Variants in GRID2 observed in about 807,000 individuals in gnomAD.
GRID2 encodes the protein glutamate receptor ionotropic, delta-2.
In GRID2, 33 loss-of-function variants were observed where a neutral mutation model predicts 114.8. That is an observed-to-expected ratio of 0.29 (90% CI 0.22 to 0.38). The LOEUF (loss-of-function observed/expected upper bound fraction) is 0.38. Ranked by LOEUF, GRID2 falls within the 10% of genes least tolerant of loss-of-function variation. The pLI is 1.00. For missense variants in GRID2, 1,184 were observed against 1,257.7 expected, an observed-to-expected ratio of 0.94 and a Z score of 0.89; for synonymous variants, 505 against 449.9, an observed-to-expected ratio of 1.12 and a Z score of -1.55.
intron 2 of GRID2, among the ~76,000 whole-genome samples, chr4:92,680,496 C>T (rs1733599985): frequency 6.6e-6 from 1 of 151,950 alleles, no homozygotes; most frequent in Admixed American, 6.6e-5. Flanking sequence ...AGAGGTCTCC[C>T]CCAAAAACAA....
chr4:93,735,692 G>C (rs1730866850), intron 14 of GRID2, among the ~76,000 whole-genome samples: 1 of 151,976 alleles, frequency 6.6e-6, no homozygotes. Context: ...GTTGACATTG[G>C]CTAGTCAATA....
intron 2 of GRID2, among the ~76,000 whole-genome samples, chr4:93,037,721 G>C (rs929267825): frequency 6.6e-6 from 1 of 151,980 alleles, no homozygotes; most frequent in Non-Finnish European, 1.5e-5. Context: ...GCTTGTTTTT[G>C]TCAGGTTTGT....
intron 3 of GRID2, among the ~76,000 whole-genome samples, chr4:93,109,974 A>C (rs1160030767): frequency 6.6e-6 from 1 of 152,122 alleles, no homozygotes; most frequent in Admixed American, 6.5e-5. Flanking sequence ...TTTTAATTTG[A>C]TAAATTTCTA....
chr4:93,363,971 T>C (rs892772607), intron 8 of GRID2, among the ~76,000 whole-genome samples: 1 of 152,020 alleles, frequency 6.6e-6, no homozygotes, highest in Non-Finnish European at 1.5e-5. Flanking sequence ...TTTTTATTCA[T>C]CTCATAGTCA....
At chr4:93,677,163 G>A (rs186391342) in intron 14 of GRID2, among the ~76,000 whole-genome samples, 3 of 152,312 alleles carry the variant, frequency 2.0e-5, no homozygotes, top group Non-Finnish European at 4.4e-5. Context: ...TGCCCACGGA[G>A]GCTCGCTGAT....
intron 14 of GRID2, among the ~76,000 whole-genome samples, chr4:93,635,669 T>C (rs1721349228): frequency 6.6e-6 from 1 of 152,068 alleles, no homozygotes; most frequent in African/African-American, 2.4e-5. Flanking sequence ...TCTTTTTCTG[T>C]TTCCTGAATC....
intron 1 of GRID2, among the ~76,000 whole-genome samples, chr4:92,444,155 G>A (rs764591047): frequency 3.0e-4 from 46 of 152,316 alleles, no homozygotes; most frequent in Non-Finnish European, 6.0e-4. Flanking sequence ...GAGGACAGGG[G>A]ATTGATCTCC....
At chr4:92,395,186 G>A (rs926279099) in intron 1 of GRID2, among the ~76,000 whole-genome samples, 10 of 151,608 alleles carry the variant, frequency 6.6e-5, no homozygotes, top group Non-Finnish European at 5.9e-5. Flanking sequence ...TTTTGTTGAT[G>A]TACTAATAAT....
intron 2 of GRID2, among the ~76,000 whole-genome samples, chr4:92,811,930 A>G (rs899363122): frequency 6.6e-6 from 1 of 152,118 alleles, no homozygotes; most frequent in Non-Finnish European, 1.5e-5. Context: ...TGTCACATTC[A>G]GTCATCTGAA....
intron 14 of GRID2, among the ~76,000 whole-genome samples, chr4:93,677,836 C>A (rs963633446): frequency 2.0e-5 from 3 of 152,122 alleles, no homozygotes; most frequent in Non-Finnish European, 4.4e-5. Context: ...GGGGAAAAAA[C>A]AAAGCAGAAA....
chr4:93,217,055 AG>A, intron 6 of GRID2, 144 bp downstream of exon 6: 1 of 536,946 alleles, frequency 1.9e-6, no homozygotes, highest in East Asian at 2.8e-5. Flanking sequence ...TCTAATGGGG[AG>A]AAAGTGCTAA....
intron 2 of GRID2, among the ~76,000 whole-genome samples, chr4:93,061,474 T>TAG (rs1279889847): frequency 6.6e-6 from 1 of 151,986 alleles, no homozygotes; most frequent in African/African-American, 2.4e-5. Context: ...AATCAATGGA[T>TAG]AGAAAAATAA....
chr4:93,019,611 G>A (rs115813156), intron 2 of GRID2, among the ~76,000 whole-genome samples: 1 of 152,120 alleles, frequency 6.6e-6, no homozygotes, highest in African/African-American at 2.4e-5. Flanking sequence ...AGTCAGACTA[G>A]TAGGACTCTT....
chr4:92,502,195 C>T (rs946345186), intron 1 of GRID2, among the ~76,000 whole-genome samples: 2 of 151,988 alleles, frequency 1.3e-5, no homozygotes, highest in Non-Finnish European at 2.9e-5. Context: ...ATTTCTATTG[C>T]AGTTTTCAAA....
intron 1 of GRID2, among the ~76,000 whole-genome samples, chr4:92,522,786 C>A (rs1724852993): frequency 6.6e-6 from 1 of 151,876 alleles, no homozygotes; most frequent in Non-Finnish European, 1.5e-5. Context: ...AAGGCAATGA[C>A]AGGACAGGTT....
intron 4 of GRID2, among the ~76,000 whole-genome samples, chr4:93,177,384 C>A (rs1052664795): frequency 1.3e-5 from 2 of 152,020 alleles, no homozygotes; most frequent in Admixed American, 1.3e-4. Context: ...ATCCTTTGAT[C>A]CTCAAAAACA....
intron 2 of GRID2, among the ~76,000 whole-genome samples, chr4:92,805,650 T>C (rs764524641): frequency 2.6e-5 from 4 of 151,910 alleles, no homozygotes; most frequent in Non-Finnish European, 1.5e-5. Context: ...GGAAGATGAT[T>C]TGCTTGGTGC....
At chr4:92,675,862 C>G (rs898922909) in intron 2 of GRID2, among the ~76,000 whole-genome samples, 2 of 151,534 alleles carry the variant, frequency 1.3e-5, no homozygotes, top group Non-Finnish European at 2.9e-5. Flanking sequence ...CCTGAGCTAC[C>G]ATTTTTTTAG....
intron 2 of GRID2, among the ~76,000 whole-genome samples, chr4:93,075,262 A>G (rs1729155655): frequency 6.6e-6 from 1 of 152,202 alleles, no homozygotes; most frequent in Non-Finnish European, 1.5e-5. Context: ...TCCATTCCTG[A>G]TAACTCTGAA....
Sources: allele counts gnomAD v4.1 joint callset (sites outside exome capture counted in the v4.1 genomes callset), GRCh38; gene constraint gnomAD v4.1.1; transcripts MANE v1.5; gene names NCBI Gene and HGNC (gene_info 2026-07-23, HGNC 2026-07-21).